Variants in STX10 observed in about 807,000 individuals in gnomAD.
The protein encoded by STX10 is syntaxin-10.
Under a neutral mutation model 34.1 loss-of-function variants are expected in STX10, and 35 were observed. That is an observed-to-expected ratio of 1.03 (90% CI 0.78 to 1.36). The LOEUF is 1.36. STX10 is among the 40% of genes most tolerant of loss of function. The probability of loss-of-function intolerance (pLI) is 0.00; values close to 1 mark genes in which losing one functional copy is unlikely to be tolerated. For missense variants in STX10, 361 were observed against 335.5 expected, an observed-to-expected ratio of 1.08 and a Z score of -0.59; for synonymous variants, 155 against 132.9, an observed-to-expected ratio of 1.17 and a Z score of -1.15.
intron 4 of STX10, 67 bp downstream of exon 4, chr19:13,148,962 G>C: frequency 1.5e-6 from 2 of 1,355,818 alleles, no homozygotes; most frequent in South Asian, 1.2e-5. Context: ...AGGTGAACAC[G>C]CACAGAGGGA....
chr19:13,145,431 C>G (rs79223874), intron 4 of STX10, 36 bp from the exon 5 acceptor site: 40,617 of 1,575,122 alleles, frequency 0.026, 1,475 homozygotes, highest in African/African-American at 0.14. Flanking sequence ...AGGGAGAGAC[C>G]CCAACTCACA....
intron 4 of STX10, among the ~76,000 whole-genome samples, chr19:13,145,703 A>G (rs1488573668): frequency 7.1e-6 from 1 of 141,420 alleles, no homozygotes; most frequent in Non-Finnish European, 1.5e-5. Flanking sequence ...CAGCCTGGCC[A>G]ACATGGTGAA....
In STX10 at chr19:13,145,315, G is replaced by T; in HGVS notation, c.444C>A (p.Tyr148Ter). Residue 148 changes from tyrosine to a stop codon, truncating the protein, a stop_gained, in exon 5 of 8, where the codon TAC becomes TAA. Transcript: ENST00000587230. LOFTEE classifies it high-confidence loss of function. ...GCTGTGTGGCCTGCTGCTCCTCGAT[G>T]TAGCGAGATGTGGCCGAGACTGCGC... Reference protein sequence around the residue: ...DASAVSATSRYIEEQQATQQL... With the variant: ...DASAVSATSR 1 of 1,611,656 alleles carries T rather than the reference G, an allele frequency of 6.2e-7. No homozygotes were observed.
chr19:13,149,879 C>T lies in STX10; in HGVS notation c.54G>A (p.Val18=), dbSNP rs369241823. 2.2e-5 allele frequency: 35 copies of T among 1,604,820 alleles called. No homozygotes were observed. The African/African-American group carries it at 4.0e-4, about 18-fold the overall frequency. Residue 18 remains valine (V), a synonymous_variant, in exon 2 of 8, where the codon GTG becomes GTA. Transcript: ENST00000587230. ...GCTGGTACAGCCCGCGGGCCGTGTT[C>T]ACCGCCTTCTGCACCTCGCTGCGGG... ...FVVRGEVQKA[V]NTARGLYQRW...
chr19:13,148,686 A>T (rs966925644), intron 4 of STX10, among the ~76,000 whole-genome samples: 3 of 151,988 alleles, frequency 2.0e-5, no homozygotes, highest in Non-Finnish European at 2.9e-5. Context: ...TCTCAAAGAA[A>T]AAAAAAAGAG....
In STX10 at chr19:13,145,281, C is replaced by T. The variant is rs759757717; in HGVS notation, c.471+7G>A. On this transcript the variant is annotated splice_region_variant and intron_variant, in intron 5 of 7. Transcript: ENST00000587230. ...CCTCCCAAGATCCACCCCGCTGGCC[C>T]CAAAACCTGCTGTGTGGCCTGCTGC... The T allele has an allele frequency of 9.3e-6, 15 of 1,609,234 alleles. No homozygotes were observed. The highest frequency in any genetic ancestry group is 6.7e-5 in the Admixed American group (4 of 59,974).
At chr19:13,148,928 G>T in intron 4 of STX10, 101 bp downstream of exon 4, 3 of 926,034 alleles carry the variant, frequency 3.2e-6, no homozygotes, top group Non-Finnish European at 5.1e-6. Context: ...CCACAGAGAG[G>T]ACGGGCACTG....
Position 13,144,260 on chromosome 19 carries a change from G to C in STX10, c.*150C>G. 1.9e-6 allele frequency: 2 copies of C among 1,076,606 alleles called. No individual in the cohort carries two copies. Among genetic ancestry groups the C allele is most frequent in the East Asian group, 2.6e-5 (1 of 38,394 alleles). The allele number at this position is 1,076,606 out of a possible 1,614,324, so 66.7% of individuals were successfully genotyped here. A position where few individuals can be genotyped will look rare whatever the true frequency, so the allele number is the denominator to read the frequency against. ...GTCCTGAAGGGTCCCACTGGCTCTA[G>C]GGGAGAGCCATGGGGACAGCTCCCC... On this transcript the variant is annotated 3_prime_UTR_variant, in exon 8 of 8. Transcript: ENST00000587230.
intron 1 of STX10, 26 bp from the exon 2 acceptor site, chr19:13,149,923 G>T: frequency 6.5e-7 from 1 of 1,540,554 alleles, no homozygotes; most frequent in Non-Finnish European, 8.7e-7. Context: ...CGGCGGGCGC[G>T]GCTGGGGGCA....
rs1332038155 is a variant in STX10 at position 13,144,589 on chromosome 19, G to C, written c.661C>G (p.His221Asp). Residue 221 changes from histidine (H) to aspartate (D), a missense_variant, in exon 7 of 8, where the codon CAC becomes GAC. His to Asp is a moderately conservative substitution (Grantham distance 81). Coordinates refer to ENST00000587230, the MANE Select transcript of STX10 (RefSeq NM_003765.3). ...GVLRKLAKVS[H>D]MTSDRRQWCA... ...TGAGGGGACTCACCACTCGTCATGT[G>C]GGATACTTTGGCCAACTTCCTGAGG... The C allele has an allele frequency of 1.2e-6, 2 of 1,614,122 alleles. No individual in the cohort carries two copies. Among genetic ancestry groups the C allele is most frequent in the Admixed American group, 3.3e-5 (2 of 60,018 alleles).
At chr19:13,145,549 AC>A (rs1249250879) in intron 4 of STX10, 154 bp from the exon 5 acceptor site, 11 of 613,820 alleles carry the variant, frequency 1.8e-5, no homozygotes, top group South Asian at 1.8e-4. Flanking sequence ...TGACCCAGAG[AC>A]CCCATCATTT....
At chr19:13,148,290 G>A (rs985408480) in intron 4 of STX10, among the ~76,000 whole-genome samples, 4 of 151,506 alleles carry the variant, frequency 2.6e-5, no homozygotes, top group Admixed American at 6.6e-5. Context: ...GATCACCTGA[G>A]GTTGGGAGTT....
chr19:13,149,353 A>G (rs1270664633), intron 3 of STX10, 146 bp downstream of exon 3: 1 of 731,592 alleles, frequency 1.4e-6, no homozygotes, highest in South Asian at 1.9e-5. Flanking sequence ...CGGAGGTTGC[A>G]GTGAGCCGAG....
Position 13,149,066 on chromosome 19 carries a change from G to A in STX10, c.326C>T (p.Pro109Leu), listed in dbSNP as rs1193942782. Residue 109 changes from proline to leucine, a missense_variant, in exon 4 of 8, where the codon CCA (proline) becomes CTA (leucine). Physicochemically the swap from Pro to Leu is moderately conservative, Grantham distance 98. Transcript: ENST00000587230. ...CCTCTCCAAAAATGCTACGGCTGTTGGGCTGACCATATGGTCCTTCATTTC... is the reference window on the plus strand; with the variant it reads ...CCTCTCCAAAAATGCTACGGCTGTTAGGCTGACCATATGGTCCTTCATTTC... Reference protein sequence around the residue: ...VQEMKDHMVSPTAVAFLERNN... With the variant: ...VQEMKDHMVSLTAVAFLERNN... The A allele has an allele frequency of 6.2e-7, 1 of 1,602,506 alleles. No individual in the cohort carries two copies. Among genetic ancestry groups the A allele is most frequent in the East Asian group, 2.3e-5 (1 of 44,404 alleles).
At chr19:13,148,695 A>G (rs569936038) in intron 4 of STX10, among the ~76,000 whole-genome samples, 12 of 151,882 alleles carry the variant, frequency 7.9e-5, no homozygotes, top group African/African-American at 2.9e-4. Context: ...AAAAAAAAAG[A>G]GTAAAAGGCA....
At chr19:13,144,974 G>C in intron 5 of STX10, 104 bp from the exon 6 acceptor site, 3 of 1,062,088 alleles carry the variant, frequency 2.8e-6, no homozygotes, top group Non-Finnish European at 4.1e-6. Context: ...CGAGACAGGC[G>C]GATCACTTGA....
At chr19:13,148,443 C>T (rs546986798) in intron 4 of STX10, among the ~76,000 whole-genome samples, 4 of 148,280 alleles carry the variant, frequency 2.7e-5, no homozygotes, top group African/African-American at 5.0e-5. Context: ...GCGGAGATTG[C>T]GGTGAGCCGA....
chr19:13,146,819 G>A (rs542373306), intron 4 of STX10, among the ~76,000 whole-genome samples: 1 of 152,048 alleles, frequency 6.6e-6, no homozygotes, highest in Non-Finnish European at 1.5e-5. Flanking sequence ...GAGATTTTAG[G>A]TGTGAGCCAC....
At chr19:13,147,456 C>T (rs1026581101) in intron 4 of STX10, among the ~76,000 whole-genome samples, 14 of 151,218 alleles carry the variant, frequency 9.3e-5, no homozygotes, top group African/African-American at 3.4e-4. Flanking sequence ...CATGCCAAGA[C>T]TCCATCTCAA....
Sources: gnomAD v4.1 joint callset for allele counts (sites outside exome capture counted in the v4.1 genomes callset) on GRCh38, gnomAD v4.1.1 for gene constraint, MANE v1.5 for transcripts, NCBI Gene and HGNC (gene_info 2026-07-23, HGNC 2026-07-21) for gene names.